The following SAMD5 variants were observed in gnomAD, a reference collection of about 807,000 sequenced individuals.
The protein encoded by SAMD5 is sterile alpha motif domain containing 5, also known as sterile alpha motif domain-containing protein 5.
SAMD5 carries 13 observed loss-of-function variants against 11.3 expected under a neutral mutation model. That is an observed-to-expected ratio of 1.15 (90% CI 0.75 to 1.83). The LOEUF is 1.83. Ranked by LOEUF, SAMD5 falls within the 40% of genes most tolerant of loss-of-function variation. SAMD5 has a pLI of 0.00. For synonymous variants in SAMD5, 129 were observed against 111.3 expected (o/e 1.16, Z -1.00); for missense variants, 255 against 239.1 (o/e 1.07, Z -0.44).
At chr6:147,547,561 G>T (rs950650105) in intron 1 of SAMD5, among the ~76,000 whole-genome samples, 1 of 152,160 alleles carries the variant, frequency 6.6e-6, no homozygotes, top group Non-Finnish European at 1.5e-5. Flanking sequence ...TTGGATCTTC[G>T]CAGACTTTTA....
At chr6:147,800,630 T>A in the SAMD5 span, among the ~76,000 whole-genome samples, 1 of 152,232 alleles carries the variant, frequency 6.6e-6, no homozygotes, top group Non-Finnish European at 1.5e-5. Context: ...TTGCCCATCC[T>A]ATTTTTAAAG....
At chr6:147,614,515 A>G (rs940554732) in intron 1 of SAMD5, among the ~76,000 whole-genome samples, 1 of 152,034 alleles carries the variant, frequency 6.6e-6, no homozygotes, top group South Asian at 2.1e-4. Flanking sequence ...TGATTGATAC[A>G]TGCAACAACG....
the SAMD5 span, among the ~76,000 whole-genome samples, chr6:147,798,967 C>T: frequency 5.3e-5 from 8 of 152,302 alleles, no homozygotes; most frequent in African/African-American, 1.9e-4. Context: ...TGTGTCTCTA[C>T]ACGTGAGATG....
chr6:147,626,424 T>C (rs768735160), intron 1 of SAMD5, among the ~76,000 whole-genome samples: 1 of 152,058 alleles, frequency 6.6e-6, no homozygotes, highest in Non-Finnish European at 1.5e-5. Context: ...AAGAGTTTAC[T>C]GGACATTTTC....
At chr6:147,776,843 C>A in the SAMD5 span, among the ~76,000 whole-genome samples, 4 of 152,276 alleles carry the variant, frequency 2.6e-5, no homozygotes, top group South Asian at 6.2e-4. Flanking sequence ...TCTCTCCCAG[C>A]GGGTCATTAA....
chr6:147,725,463 G>A (rs972916507), intron 1 of SAMD5, among the ~76,000 whole-genome samples: 2 of 147,796 alleles, frequency 1.4e-5, no homozygotes, highest in East Asian at 2.0e-4. Context: ...ATCTCAGCTC[G>A]CTGCAACCTC....
At chr6:147,656,367 CA>C (rs1790568520) in intron 1 of SAMD5, among the ~76,000 whole-genome samples, 1 of 151,922 alleles carries the variant, frequency 6.6e-6, no homozygotes, top group Non-Finnish European at 1.5e-5. Context: ...AAGTCAAAAG[CA>C]AAAAATTGAA....
chr6:147,564,561 A>G lies in SAMD5; in HGVS notation c.*105A>G. On this transcript the variant is annotated 3_prime_UTR_variant, in exon 2 of 2. Transcript: ENST00000367474. The stretch of plus-strand genomic sequence containing the variant: ...AAAGGGAAATGGATGATGACCCTGG[A>G]AATACTCATCAGCTTAACTTTTTGC... 1 of 1,164,410 alleles carries G rather than the reference A, an allele frequency of 8.6e-7. No individual in the cohort carries two copies. Among genetic ancestry groups the G allele is most frequent in the Non-Finnish European group, 1.2e-6 (1 of 804,180 alleles). The allele number at this position is 1,164,410 out of a possible 1,614,324, so 72.1% of individuals were successfully genotyped here.
the SAMD5 span, among the ~76,000 whole-genome samples, chr6:147,747,569 G>A: frequency 1.3e-5 from 2 of 152,140 alleles, no homozygotes; most frequent in Admixed American, 6.5e-5. Flanking sequence ...GGAGCACAGT[G>A]GCACAATCTC....
At chr6:147,726,054 A>G (rs992175812) in intron 1 of SAMD5, among the ~76,000 whole-genome samples, 4 of 152,154 alleles carry the variant, frequency 2.6e-5, no homozygotes, top group Admixed American at 6.5e-5. Flanking sequence ...TTTCCTCTGA[A>G]TATTAGTATG....
the SAMD5 span, among the ~76,000 whole-genome samples, chr6:147,802,457 A>G: frequency 6.6e-6 from 1 of 152,252 alleles, no homozygotes; most frequent in Admixed American, 6.5e-5. Context: ...TAAGTTGCCC[A>G]TAGGAGTGAA....
the SAMD5 span, among the ~76,000 whole-genome samples, chr6:147,804,059 TTGGCCA>T: frequency 6.6e-6 from 1 of 152,170 alleles, no homozygotes; most frequent in Non-Finnish European, 1.5e-5. Flanking sequence ...CCACAGCATG[TTGGCCA>T]TGGGCCCATT....
chr6:147,728,442 A>T (rs151084069), intron 1 of SAMD5, among the ~76,000 whole-genome samples: 1 of 152,098 alleles, frequency 6.6e-6, no homozygotes, highest in Non-Finnish European at 1.5e-5. Context: ...CAAACAAACA[A>T]ACCAGTTATC....
At chr6:147,647,300 A>G (rs1408425083) in intron 1 of SAMD5, among the ~76,000 whole-genome samples, 1 of 152,212 alleles carries the variant, frequency 6.6e-6, no homozygotes, top group Non-Finnish European at 1.5e-5. Flanking sequence ...TAAAACATAG[A>G]ACAGGCCAGA....
chr6:147,838,294 G>T, the SAMD5 span, among the ~76,000 whole-genome samples: 10 of 152,146 alleles, frequency 6.6e-5, no homozygotes, highest in Non-Finnish European at 1.2e-4. Flanking sequence ...GAAATGATGG[G>T]TTGGAGATTG....
the SAMD5 span, among the ~76,000 whole-genome samples, chr6:147,880,127 G>A: frequency 2.6e-5 from 4 of 152,272 alleles, no homozygotes; most frequent in East Asian, 1.9e-4. Flanking sequence ...GAGAGAAGAA[G>A]CATTTTTGTT....
intron 1 of SAMD5, among the ~76,000 whole-genome samples, chr6:147,649,139 C>T (rs752878056): frequency 7.9e-5 from 12 of 152,194 alleles, no homozygotes; most frequent in Non-Finnish European, 1.2e-4. Flanking sequence ...TGTGGAAGTC[C>T]AGACCCTAGG....
the SAMD5 span, among the ~76,000 whole-genome samples, chr6:147,822,038 T>C: frequency 6.6e-6 from 1 of 152,204 alleles, no homozygotes; most frequent in South Asian, 2.1e-4. Flanking sequence ...ATATTATTGA[T>C]TTGCACCATA....
intron 1 of SAMD5, among the ~76,000 whole-genome samples, chr6:147,620,054 G>A (rs1221261549): frequency 6.6e-6 from 1 of 152,166 alleles, no homozygotes; most frequent in Non-Finnish European, 1.5e-5. Context: ...GAATGTTGTT[G>A]TTTGGTCCCC....
Sources: allele counts gnomAD v4.1 joint callset (sites outside exome capture counted in the v4.1 genomes callset), GRCh38; gene constraint gnomAD v4.1.1; transcripts MANE v1.5; gene names NCBI Gene and HGNC (gene_info 2026-07-23, HGNC 2026-07-21).